Variants in C1QTNF3 observed in about 807,000 individuals in gnomAD.
C1QTNF3 encodes the protein C1q and TNF related 3.
C1QTNF3 carries 26 observed loss-of-function variants against 32.6 expected under a neutral mutation model. The ratio of observed to expected loss-of-function variants is 0.80; its 90% confidence interval spans 0.58 to 1.11. The LOEUF is 1.11. Ranked by LOEUF, C1QTNF3 falls within the 50% of genes least tolerant of loss-of-function variation. The pLI is 0.00. For synonymous variants in C1QTNF3, 155 were observed against 146.0 expected, an observed-to-expected ratio of 1.06 and a Z score of -0.44; for missense variants, 362 against 398.2, an observed-to-expected ratio of 0.91 and a Z score of 0.77.
the C1QTNF3 span, among the ~76,000 whole-genome samples, chr5:34,128,341 C>G: frequency 6.6e-6 from 1 of 152,206 alleles, no homozygotes; most frequent in Non-Finnish European, 1.5e-5. Flanking sequence ...TCTATGAGGG[C>G]AGTGCACAGG....
the C1QTNF3 span, among the ~76,000 whole-genome samples, chr5:34,125,864 AT>A: frequency 6.6e-6 from 1 of 152,170 alleles, no homozygotes; most frequent in African/African-American, 2.4e-5. Flanking sequence ...TCAATACTAA[AT>A]TTATTTAGCT....
chr5:34,175,242 C>T, the C1QTNF3 span, among the ~76,000 whole-genome samples: 1 of 151,130 alleles, frequency 6.6e-6, no homozygotes, highest in Non-Finnish European at 1.5e-5. Flanking sequence ...TGGGGGTCCT[C>T]CTATGCTGAA....
intron 1 of C1QTNF3, 64 bp downstream of exon 1, chr5:34,042,759 C>A (rs73761686): frequency 8.6e-6 from 11 of 1,272,684 alleles, no homozygotes; most frequent in South Asian, 6.6e-5. Context: ...AGAACAACAA[C>A]AAAACAACAA....
At chr5:34,120,000 C>T in the C1QTNF3 span, among the ~76,000 whole-genome samples, 5 of 152,298 alleles carry the variant, frequency 3.3e-5, no homozygotes, top group East Asian at 9.6e-4. Context: ...GTACTTTTGA[C>T]TTTCTCCCAC....
At chr5:34,220,218 AATAAT>A in the C1QTNF3 span, among the ~76,000 whole-genome samples, 1 of 152,128 alleles carries the variant, frequency 6.6e-6, no homozygotes, top group African/African-American at 2.4e-5. Flanking sequence ...ATATACAATA[AATAAT>A]ATAAATTAGG....
chr5:34,074,173 C>CTCTGTGT, the C1QTNF3 span, among the ~76,000 whole-genome samples: 1 of 148,322 alleles, frequency 6.7e-6, no homozygotes, highest in African/African-American at 2.6e-5. Context: ...AACAGAGGTG[C>CTCTGTGT]AGAAATCAAT....
At chr5:34,121,505 G>C in the C1QTNF3 span, among the ~76,000 whole-genome samples, 2 of 152,102 alleles carry the variant, frequency 1.3e-5, no homozygotes, top group Admixed American at 6.6e-5. Flanking sequence ...TCAGATCTCA[G>C]AAGACTTATT....
At chr5:34,194,089 C>G in the C1QTNF3 span, among the ~76,000 whole-genome samples, 1 of 152,304 alleles carries the variant, frequency 6.6e-6, no homozygotes, top group African/African-American at 2.4e-5. Flanking sequence ...TCTTTAGCAT[C>G]TGTTGCTCCC....
chr5:34,066,365 C>G, the C1QTNF3 span, among the ~76,000 whole-genome samples: 1 of 152,210 alleles, frequency 6.6e-6, no homozygotes, highest in Admixed American at 6.5e-5. Flanking sequence ...CCTACTGTAT[C>G]AAAATGATCT....
chr5:34,173,634 A>T, the C1QTNF3 span, among the ~76,000 whole-genome samples: 1 of 104,146 alleles, frequency 9.6e-6, no homozygotes, highest in African/African-American at 3.7e-5. Context: ...TTAGTATAAA[A>T]TAAAAGCTAT....
At chr5:34,208,277 T>C in the C1QTNF3 span, among the ~76,000 whole-genome samples, 5 of 152,282 alleles carry the variant, frequency 3.3e-5, no homozygotes, top group Admixed American at 2.0e-4. Flanking sequence ...GCCCCTGTTA[T>C]AACAATCTTC....
the C1QTNF3 span, among the ~76,000 whole-genome samples, chr5:34,074,497 A>G: frequency 6.6e-6 from 1 of 151,548 alleles, no homozygotes; most frequent in Non-Finnish European, 1.5e-5. Flanking sequence ...CAACCTTGTC[A>G]TCTCTCCTTC....
chr5:34,235,081 A>C, the C1QTNF3 span, among the ~76,000 whole-genome samples: 2 of 152,066 alleles, frequency 1.3e-5, no homozygotes, highest in African/African-American at 4.8e-5. Context: ...TCTGACTGTA[A>C]AGATGACCAC....
At chr5:34,196,783 C>G in the C1QTNF3 span, among the ~76,000 whole-genome samples, 1 of 151,538 alleles carries the variant, frequency 6.6e-6, no homozygotes, top group Non-Finnish European at 1.5e-5. Context: ...CCTCAGCCTC[C>G]TGAGTAGCTG....
the C1QTNF3 span, among the ~76,000 whole-genome samples, chr5:34,208,742 T>C: frequency 6.6e-6 from 1 of 152,326 alleles, no homozygotes; most frequent in East Asian, 1.9e-4. Flanking sequence ...TATATGATGA[T>C]ATTTAGATAT....
chr5:34,219,190 G>C, the C1QTNF3 span, among the ~76,000 whole-genome samples: 1 of 151,958 alleles, frequency 6.6e-6, no homozygotes, highest in Admixed American at 6.6e-5. Context: ...ATTTCTGTTT[G>C]TGCTCTGGCT....
At chr5:34,167,423 A>G in the C1QTNF3 span, 28 of 152,338 alleles carry the variant, frequency 1.8e-4, no homozygotes, top group African/African-American at 6.0e-4. Context: ...TTTTATTTCA[A>G]CAAATTGCTA....
the C1QTNF3 span, among the ~76,000 whole-genome samples, chr5:34,236,563 CTTTTTTCTTTTTTTTTTT>C: frequency 4.4e-5 from 2 of 45,308 alleles, no homozygotes; most frequent in Non-Finnish European, 1.3e-4. Context: ...TTTCTTTTTT[CTTTTTTCTTTTTTTTTTT>C]TTTTTTTTTT....
the C1QTNF3 span, among the ~76,000 whole-genome samples, chr5:34,094,986 C>T: frequency 6.7e-6 from 1 of 150,306 alleles, no homozygotes; most frequent in African/African-American, 2.4e-5. Context: ...TAATAGAGTA[C>T]ATGTGAAATT....
Sources: allele counts gnomAD v4.1 joint callset (sites outside exome capture counted in the v4.1 genomes callset), GRCh38; gene constraint gnomAD v4.1.1; transcripts MANE v1.5; gene names NCBI Gene and HGNC (gene_info 2026-07-23, HGNC 2026-07-21).